Variants in TMEM132D observed in about 807,000 individuals in gnomAD.
TMEM132D encodes mature OL transmembrane protein.
TMEM132D carries 21 observed loss-of-function variants against 62.3 expected under a neutral mutation model. The ratio of observed to expected loss-of-function variants is 0.34; its 90% confidence interval spans 0.24 to 0.49. The LOEUF (loss-of-function observed/expected upper bound fraction) is 0.49, where lower values mean the gene tolerates loss of function less well. Among genes scored for constraint, TMEM132D ranks in the 20% least tolerant of loss-of-function variants. TMEM132D has a pLI of 0.99. For missense variants in TMEM132D, 1,346 were observed against 1,402.8 expected, an observed-to-expected ratio of 0.96 and a Z score of 0.65; for synonymous variants, 621 against 575.6, an observed-to-expected ratio of 1.08 and a Z score of -1.13.
At chr12:129,227,668 A>G (rs1879518334) in intron 4 of TMEM132D, among the ~76,000 whole-genome samples, 2 of 151,918 alleles carry the variant, frequency 1.3e-5, no homozygotes, top group Non-Finnish European at 2.9e-5. Context: ...TTACATAGGT[A>G]TACATGTGCC....
intron 1 of TMEM132D, among the ~76,000 whole-genome samples, chr12:129,716,652 G>T (rs558406254): frequency 6.6e-6 from 1 of 152,132 alleles, no homozygotes; most frequent in Non-Finnish European, 1.5e-5. Flanking sequence ...TGGCAAAGGG[G>T]ACTTTGCAGA....
chr12:129,619,598 G>C (rs1035799390), intron 2 of TMEM132D, among the ~76,000 whole-genome samples: 1 of 152,102 alleles, frequency 6.6e-6, no homozygotes, highest in African/African-American at 2.4e-5. Context: ...CCGCCAAATT[G>C]CCTTCATTTA....
chr12:129,201,927 T>C (rs1878715253), intron 5 of TMEM132D, among the ~76,000 whole-genome samples: 1 of 152,070 alleles, frequency 6.6e-6, no homozygotes, highest in African/African-American at 2.4e-5. Flanking sequence ...AGGTGGCATT[T>C]CCCATTATTT....
At chr12:129,584,828 G>T (rs74384183) in intron 2 of TMEM132D, among the ~76,000 whole-genome samples, 1 of 152,194 alleles carries the variant, frequency 6.6e-6, no homozygotes, top group South Asian at 2.1e-4. Flanking sequence ...ATTACCGATG[G>T]AAAGAAAGAA....
At chr12:129,559,986 T>C (rs56013999) in intron 2 of TMEM132D, among the ~76,000 whole-genome samples, 430 of 152,278 alleles carry the variant, frequency 2.8e-3, no homozygotes, top group Non-Finnish European at 4.6e-3. Flanking sequence ...AGGGTTTGGA[T>C]GGAAAACCAA....
intron 4 of TMEM132D, among the ~76,000 whole-genome samples, chr12:129,281,826 G>T (rs1308495697): frequency 6.6e-6 from 1 of 152,060 alleles, no homozygotes; most frequent in Non-Finnish European, 1.5e-5. Context: ...GGGAGGTTAT[G>T]GCTCCCTCAA....
intron 1 of TMEM132D, among the ~76,000 whole-genome samples, chr12:129,743,179 C>A (rs911924310): frequency 6.6e-6 from 1 of 152,246 alleles, no homozygotes; most frequent in African/African-American, 2.4e-5. Context: ...CTCTGTAGTA[C>A]TGGAAAATTC....
At chr12:129,283,980 G>A (rs558001291) in intron 4 of TMEM132D, among the ~76,000 whole-genome samples, 11 of 152,336 alleles carry the variant, frequency 7.2e-5, no homozygotes, top group African/African-American at 2.6e-4. Flanking sequence ...AAGCCAATGA[G>A]CAGCTTCTTT....
chr12:129,704,380 C>T (rs1881453644), intron 1 of TMEM132D, among the ~76,000 whole-genome samples: 1 of 152,210 alleles, frequency 6.6e-6, no homozygotes, highest in African/African-American at 2.4e-5. Flanking sequence ...TGGGAGGCAA[C>T]CAGCTTTGCC....
chr12:129,429,278 C>A (rs1215211410), intron 3 of TMEM132D, among the ~76,000 whole-genome samples: 1 of 152,248 alleles, frequency 6.6e-6, no homozygotes, highest in Non-Finnish European at 1.5e-5. Flanking sequence ...CGAGCTGAAT[C>A]TGTCAGTCAG....
chr12:129,438,356 C>T (rs1254058235), intron 3 of TMEM132D, among the ~76,000 whole-genome samples: 2 of 152,156 alleles, frequency 1.3e-5, no homozygotes, highest in Non-Finnish European at 2.9e-5. Flanking sequence ...CAGTCCCACA[C>T]TGGAAGCAAC....
intron 1 of TMEM132D, among the ~76,000 whole-genome samples, chr12:129,825,154 C>T (rs570204846): frequency 1.4e-4 from 21 of 151,980 alleles, no homozygotes; most frequent in Non-Finnish European, 2.4e-4. Context: ...GCTGGGATTA[C>T]AGGCACAGGC....
At chr12:129,665,336 G>C (rs1280675226) in intron 2 of TMEM132D, among the ~76,000 whole-genome samples, 1 of 152,162 alleles carries the variant, frequency 6.6e-6, no homozygotes, top group Non-Finnish European at 1.5e-5. Flanking sequence ...ATTGGAAGCT[G>C]CTCATGTCTT....
intron 2 of TMEM132D, among the ~76,000 whole-genome samples, chr12:129,683,824 G>C: frequency 6.6e-6 from 1 of 152,148 alleles, no homozygotes; most frequent in East Asian, 1.9e-4. Flanking sequence ...CGAATCTGCA[G>C]ACCAGAATTC....
intron 4 of TMEM132D, among the ~76,000 whole-genome samples, chr12:129,239,353 T>C (rs2135583301): frequency 6.6e-6 from 1 of 152,354 alleles, no homozygotes; most frequent in South Asian, 2.1e-4. Context: ...GTTTTACATT[T>C]AGGTCTTTAA....
chr12:129,382,194 T>G (rs926185366), intron 3 of TMEM132D, among the ~76,000 whole-genome samples: 1 of 152,164 alleles, frequency 6.6e-6, no homozygotes, highest in Non-Finnish European at 1.5e-5. Context: ...CCAAACAAAT[T>G]CAGAGACTGG....
At chr12:129,528,695 T>C (rs188025950) in intron 3 of TMEM132D, among the ~76,000 whole-genome samples, 56 of 152,382 alleles carry the variant, frequency 3.7e-4, no homozygotes, top group Admixed American at 9.2e-4. Context: ...CATACAAATT[T>C]GTATCATAAT....
At chr12:129,477,825 A>G (rs1874313252) in intron 3 of TMEM132D, among the ~76,000 whole-genome samples, 1 of 152,142 alleles carries the variant, frequency 6.6e-6, no homozygotes, top group African/African-American at 2.4e-5. Flanking sequence ...CATTTCAAAA[A>G]AAAAATAAAA....
intron 2 of TMEM132D, among the ~76,000 whole-genome samples, chr12:129,676,012 T>C (rs1464799431): frequency 6.6e-6 from 1 of 152,176 alleles, no homozygotes; most frequent in Non-Finnish European, 1.5e-5. Flanking sequence ...ATTAATCAAA[T>C]CTTTCAGTCA....
Sources: gnomAD v4.1 joint callset for allele counts (sites outside exome capture counted in the v4.1 genomes callset) on GRCh38, gnomAD v4.1.1 for gene constraint, MANE v1.5 for transcripts, NCBI Gene and HGNC (gene_info 2026-07-23, HGNC 2026-07-21) for gene names.